PLB1: variants seen among roughly 807,000 people sequenced by gnomAD.
The protein encoded by PLB1 is phospholipase B1, membrane-associated.
Under a neutral mutation model 227.4 loss-of-function variants are expected in PLB1, and 242 were observed. The observed-to-expected ratio is 1.06, with a 90% CI of 0.96 to 1.18. The LOEUF (loss-of-function observed/expected upper bound fraction) is 1.18. PLB1 is among the 50% of genes most tolerant of loss of function. The pLI is 0.00. For missense variants in PLB1, 1,858 were observed against 1,816.3 expected, an observed-to-expected ratio of 1.02 and a Z score of -0.42; for synonymous variants, 757 against 682.2, an observed-to-expected ratio of 1.11 and a Z score of -1.71.
In PLB1 at chr2:28,604,045, C is replaced by A. The variant is rs143758328; in HGVS notation, c.2854C>A (p.Arg952=). 3.7e-6 allele frequency: 6 copies of A among 1,612,788 alleles called. No individual in the cohort carries two copies. In the African/African-American group the frequency reaches 6.7e-5, roughly 18 times the overall value. The change falls in exon 40 of 58, where the codon CGG becomes AGG. Residue 952 remains arginine (R), a splice_region_variant and synonymous_variant. Transcript: ENST00000327757. ...ARLEAFSRAY[R]SSMRELVGSG... ...GCTGGAGGCCTTCAGCCGAGCCTAC[C>A]GGGTAAGACCAAGAAGGGCACCATG...
chr2:28,597,997 C>T lies in PLB1; in HGVS notation c.2322-8C>T, dbSNP rs199625807. 4.4e-4 allele frequency: 706 copies of T among 1,612,150 alleles called. 1 individual carries two copies. The highest frequency in any genetic ancestry group is 5.5e-4 in the Non-Finnish European group (649 of 1,178,378). On this transcript the variant is annotated splice_region_variant and splice_polypyrimidine_tract_variant and intron_variant, in intron 33 of 57. Transcript: ENST00000327757. ...CCTCTCATTCACTGGCTTGCTCACTCCCTACAGTGCAGGAGGGGACGGCTC... is the reference window on the plus strand; with the variant it reads ...CCTCTCATTCACTGGCTTGCTCACTTCCTACAGTGCAGGAGGGGACGGCTC...
rs11396456 is a variant in PLB1 at position 28,510,625 on chromosome 2, C to CTTTTTTT, written c.56-6173_56-6167dup. On this transcript the variant is annotated intron_variant, in intron 1 of 57. Transcript: ENST00000327757. ...TTTTTTCTTTTTTCTTTTTCTCTCT[C>CTTTTTTT]TTTTTTTTTTTTTTTTGAGATGGAG... Among the ~76,000 whole-genome samples, 3 of 118,060 alleles carry CTTTTTTT rather than the reference C, an allele frequency of 2.5e-5. 1 individual carries two copies. The highest frequency in any genetic ancestry group is 9.9e-5 in the African/African-American group (3 of 30,214). 77.5% of individuals were successfully genotyped at this position (118,060 alleles called of 152,430 possible).
chr2:28,504,554 C>T (rs1290811644), intron 1 of PLB1, among the ~76,000 whole-genome samples: 1 of 152,054 alleles, frequency 6.6e-6, no homozygotes, highest in Non-Finnish European at 1.5e-5. Flanking sequence ...ACCAGCCTGG[C>T]CAACATGGTG....
At chr2:28,534,287 C>T (rs1417292871) in intron 9 of PLB1, among the ~76,000 whole-genome samples, 2 of 152,114 alleles carry the variant, frequency 1.3e-5, no homozygotes, top group East Asian at 3.8e-4. Context: ...CTACAATGAA[C>T]AGTCTTGCTC....
intron 20 of PLB1, among the ~76,000 whole-genome samples, chr2:28,569,604 AGATAACTTG>A (rs1418625596): frequency 6.6e-6 from 1 of 152,224 alleles, no homozygotes; most frequent in Non-Finnish European, 1.5e-5. Flanking sequence ...CCAATAAATC[AGATAACTTG>A]GATGAAATGG....
intron 33 of PLB1, among the ~76,000 whole-genome samples, chr2:28,596,870 T>C (rs1251871277): frequency 1.3e-5 from 2 of 152,248 alleles, no homozygotes; most frequent in Non-Finnish European, 2.9e-5. Context: ...ATAGTCCACT[T>C]CATTCCAAGC....
At chr2:28,604,896 C>T in intron 41 of PLB1, 137 bp downstream of exon 41, 1 of 755,952 alleles carries the variant, frequency 1.3e-6, no homozygotes, top group Non-Finnish European at 2.2e-6. Flanking sequence ...GGTGCAGGCT[C>T]CCTGAACGCC....
chr2:28,591,781 C>T (rs1270423154), intron 31 of PLB1, 21 bp downstream of exon 31: 1 of 1,612,324 alleles, frequency 6.2e-7, no homozygotes, highest in Admixed American at 1.7e-5. Context: ...TATGGCACAG[C>T]AGGACCCAGG....
At chr2:28,636,085 G>A (rs1019671470) in intron 56 of PLB1, among the ~76,000 whole-genome samples, 1 of 152,068 alleles carries the variant, frequency 6.6e-6, no homozygotes, top group Admixed American at 6.6e-5. Context: ...GTATGACAGA[G>A]TCTCACTCTG....
chr2:28,532,055 T>C, intron 8 of PLB1, 53 bp from the exon 9 acceptor site: 1 of 1,320,180 alleles, frequency 7.6e-7, no homozygotes, highest in South Asian at 1.2e-5. Context: ...GACATTATTT[T>C]GGTTCAAGGT....
chr2:28,598,072 A>G lies in PLB1; in HGVS notation c.2365+24A>G, dbSNP rs58355226. The G allele has an allele frequency of 9.2e-3, 14,800 of 1,603,086 alleles. 1,158 individuals are homozygous for G. The African/African-American group carries it at 0.17, about 19-fold the overall frequency. On this transcript the variant is annotated intron_variant, in intron 34 of 57. Coordinates refer to ENST00000327757, the MANE Select transcript of PLB1 (RefSeq NM_153021.5). Reference sequence around the variant, plus strand: ...TAGTAAGTAACCATCAGGGGCTTGAATCTGTCTACTGTTCCACCCATCTGG... The same window carrying G: ...TAGTAAGTAACCATCAGGGGCTTGAGTCTGTCTACTGTTCCACCCATCTGG...
At position 28,640,930 on chromosome 2, in the gene PLB1, G is replaced by T. The variant is rs1689903168; in HGVS notation, c.4102G>T (p.Glu1368Ter). The change falls in exon 57 of 58, where the codon GAA becomes TAA. Residue 1368 changes from glutamate to a stop codon, truncating the protein, a stop_gained. Coordinates refer to ENST00000327757, the MANE Select transcript of PLB1 (RefSeq NM_153021.5). LOFTEE classifies it high-confidence loss of function. Reference sequence around the variant, plus strand: ...GGTGTCCTTTCTCTCTCTCCAGCTGGAACCAGTGGGCCGCAAGACTACCTC... The same window carrying T: ...GGTGTCCTTTCTCTCTCTCCAGCTGTAACCAGTGGGCCGCAAGACTACCTC... The part of the protein sequence containing the change: ...MAIALWNNML[E>*]PVGRKTTSNN... The T allele has an allele frequency of 6.2e-7, 1 of 1,613,502 alleles. No individual in the cohort carries two copies. Among genetic ancestry groups the T allele is most frequent in the East Asian group, 2.2e-5 (1 of 44,808 alleles).
chr2:28,529,643 C>A, intron 7 of PLB1, 85 bp from the exon 8 acceptor site: 2 of 1,377,908 alleles, frequency 1.5e-6, no homozygotes, highest in Non-Finnish European at 2.1e-6. Context: ...GAGACTGACA[C>A]CTGAGCTATG....
At chr2:28,575,964 G>A (rs1678857116) in intron 21 of PLB1, among the ~76,000 whole-genome samples, 1 of 152,154 alleles carries the variant, frequency 6.6e-6, no homozygotes, top group African/African-American at 2.4e-5. Context: ...CTTTTTCCAA[G>A]CATATGTGGG....
intron 43 of PLB1, among the ~76,000 whole-genome samples, chr2:28,613,080 G>C (rs2148316941): frequency 6.6e-6 from 1 of 152,096 alleles, no homozygotes; most frequent in South Asian, 2.1e-4. Flanking sequence ...CCACCATGTT[G>C]AGCTAATTTA....
intron 26 of PLB1, among the ~76,000 whole-genome samples, chr2:28,586,383 C>T (rs1235337409): frequency 1.3e-5 from 2 of 152,224 alleles, no homozygotes; most frequent in South Asian, 4.1e-4. Flanking sequence ...TGATCTCCAT[C>T]TTGTGAGTTG....
At chr2:28,525,163 T>G (rs930203663) in intron 4 of PLB1, 104 bp from the exon 5 acceptor site, 2 of 1,070,114 alleles carry the variant, frequency 1.9e-6, no homozygotes, top group East Asian at 5.1e-5. Flanking sequence ...GTAGGTTCCC[T>G]CTTACTGGCA....
chr2:28,514,815 C>G (rs1281634837), intron 1 of PLB1, among the ~76,000 whole-genome samples: 2 of 152,080 alleles, frequency 1.3e-5, no homozygotes, highest in African/African-American at 4.8e-5. Context: ...TCACCATTTG[C>G]TAGCAATGTC....
chr2:28,579,668 T>G lies in PLB1; in HGVS notation c.1527T>G (p.Phe509Leu). The change falls in exon 23 of 58, where the codon TTT (phenylalanine) becomes TTG (leucine). Residue 509 changes from phenylalanine to leucine, a missense_variant. Transcript: ENST00000327757. ...AAGACTGGAAGATAATAACCCTGTT[T>G]ATAGGCGGCAATGACCTCTGTGATT... ...FQEDWKIITL[F>L]IGGNDLCDFC... 6.2e-7 allele frequency: 1 copy of G among 1,613,606 alleles called. No individual in the cohort carries two copies. Among genetic ancestry groups the G allele is most frequent in the South Asian group, 1.1e-5 (1 of 91,086 alleles).
Sources: allele counts gnomAD v4.1 joint callset (sites outside exome capture counted in the v4.1 genomes callset), GRCh38; gene constraint gnomAD v4.1.1; transcripts MANE v1.5; gene names NCBI Gene and HGNC (gene_info 2026-07-23, HGNC 2026-07-21).